Variants in KANTR observed in about 807,000 individuals in gnomAD.
KANTR encodes the protein KANTR integral membrane protein, also known as KDM5C adjacent transcript.
chrX:53,104,636 A>T (rs1301550824), intron 2 of KANTR, among the ~76,000 whole-genome samples: 1 of 111,634 alleles, frequency 9.0e-6, no homozygotes, highest in African/African-American at 3.3e-5. Context: ...TATTCTAGAT[A>T]TTCCATATAA....
chrX:53,097,810 G>A (rs1288427475), intron 1 of KANTR, among the ~76,000 whole-genome samples: 1 of 106,940 alleles, frequency 9.4e-6, no homozygotes, highest in Non-Finnish European at 1.9e-5. Flanking sequence ...CAGCACTTTG[G>A]GAGGCCAAGG....
At chrX:53,100,069 G>T (rs1368383088) in intron 2 of KANTR, among the ~76,000 whole-genome samples, 1 of 112,287 alleles carries the variant, frequency 8.9e-6, no homozygotes. Flanking sequence ...AGCTGCCTGA[G>T]CCTCTAACAA....
intron 2 of KANTR, among the ~76,000 whole-genome samples, chrX:53,141,633 A>C (rs1602129788): frequency 4.2e-5 from 4 of 95,330 alleles, no homozygotes; most frequent in Non-Finnish European, 4.2e-5. Context: ...TCTTGCTCTC[A>C]CTCTCCCTCT....
exon 3 of KANTR, chrX:53,126,347 C>T (rs1481107856): frequency 9.0e-6 from 1 of 111,023 alleles, no homozygotes; most frequent in Non-Finnish European, 1.9e-5. Context: ...TGGACCTCCT[C>T]ATTCTATCTT....
intron 2 of KANTR, among the ~76,000 whole-genome samples, chrX:53,104,036 C>T (rs1556812304): frequency 9.0e-6 from 1 of 110,904 alleles, no homozygotes; most frequent in African/African-American, 3.3e-5. Context: ...CCATCTAATT[C>T]ACCTTTTATT....
downstream of KANTR, among the ~76,000 whole-genome samples, chrX:53,130,164 A>G (rs1227820451): frequency 9.0e-6 from 1 of 111,549 alleles, no homozygotes; most frequent in Non-Finnish European, 1.9e-5. Context: ...ACCGCGCCTG[A>G]CCCTACATAA....
downstream of KANTR, among the ~76,000 whole-genome samples, chrX:53,146,278 C>A (rs1933574270): frequency 9.0e-6 from 1 of 111,513 alleles, no homozygotes; most frequent in Non-Finnish European, 1.9e-5. Flanking sequence ...CTAGAATAAC[C>A]AATGCAGAGA....
At chrX:53,127,956 T>G (rs1316228025), downstream of KANTR, among the ~76,000 whole-genome samples, 1 of 111,023 alleles carries the variant, frequency 9.0e-6, no homozygotes, top group African/African-American at 3.3e-5. Flanking sequence ...TAAGTGTTAT[T>G]ATAATGGGAG....
chrX:53,106,621 C>G (rs782537203), intron 2 of KANTR, among the ~76,000 whole-genome samples: 1 of 109,065 alleles, frequency 9.2e-6, no homozygotes. Flanking sequence ...ATGCTGGTCT[C>G]GAACTCCTGG....
downstream of KANTR, among the ~76,000 whole-genome samples, chrX:53,145,751 G>T (rs1381363748): frequency 8.9e-6 from 1 of 112,342 alleles, no homozygotes; most frequent in Admixed American, 9.4e-5. Flanking sequence ...GCACCCCCCA[G>T]TAGGGGCAGA....
intron 2 of KANTR, among the ~76,000 whole-genome samples, chrX:53,106,555 A>C (rs782034237): frequency 3.7e-5 from 4 of 109,298 alleles, no homozygotes; most frequent in Non-Finnish European, 7.6e-5. Flanking sequence ...AGTGTGAGCC[A>C]TCACACCCAG....
chrX:53,146,569 G>T (rs1402488182), downstream of KANTR, among the ~76,000 whole-genome samples: 5 of 111,931 alleles, frequency 4.5e-5, no homozygotes. Context: ...CACTCTGCAG[G>T]ATATTATCCA....
intron 2 of KANTR, among the ~76,000 whole-genome samples, chrX:53,106,434 G>GT (rs1374917852): frequency 9.1e-6 from 1 of 109,761 alleles, no homozygotes; most frequent in East Asian, 2.8e-4. Flanking sequence ...ACAGGGTCTC[G>GT]TTCTGTCACC....
downstream of KANTR, among the ~76,000 whole-genome samples, chrX:53,145,398 G>A (rs782043129): frequency 8.9e-6 from 1 of 111,930 alleles, no homozygotes; most frequent in Non-Finnish European, 1.9e-5. Flanking sequence ...ACAGATTCTC[G>A]CTCATTGCTA....
At chrX:53,107,028 A>G (rs1289214557) in intron 2 of KANTR, among the ~76,000 whole-genome samples, 1 of 110,550 alleles carries the variant, frequency 9.0e-6, no homozygotes, top group Non-Finnish European at 1.9e-5. Context: ...ATTGATTTGC[A>G]GGTCTGTCAC....
chrX:53,115,717 ATC>A (rs1432556441), intron 2 of KANTR, among the ~76,000 whole-genome samples: 1 of 112,712 alleles, frequency 8.9e-6, no homozygotes, highest in Non-Finnish European at 1.9e-5. Flanking sequence ...TGAAAAAAGT[ATC>A]TCTTTTCCCA....
At chrX:53,117,610 T>TGTGTG (rs782797715) in intron 2 of KANTR, among the ~76,000 whole-genome samples, 4 of 19,856 alleles carry the variant, frequency 2.0e-4, no homozygotes, top group African/African-American at 4.1e-4. Flanking sequence ...TGTGTGTGTG[T>TGTGTG]TTTTTTTTTT....
At chrX:53,109,535 C>T (rs1475309042) in intron 2 of KANTR, among the ~76,000 whole-genome samples, 2 of 112,329 alleles carry the variant, frequency 1.8e-5, no homozygotes, top group African/African-American at 3.2e-5. Flanking sequence ...CCACCCGCCT[C>T]GGCCTCCCAA....
intron 2 of KANTR, among the ~76,000 whole-genome samples, chrX:53,116,522 A>C (rs185939164): frequency 4.6e-4 from 52 of 112,003 alleles, no homozygotes; most frequent in African/African-American, 1.7e-3. Context: ...AAATTCTCTA[A>C]GTGGTCAGAT....
Sources: allele counts gnomAD v4.1 joint callset (sites outside exome capture counted in the v4.1 genomes callset), GRCh38; gene constraint gnomAD v4.1.1; transcripts MANE v1.5; gene names NCBI Gene and HGNC (gene_info 2026-07-23, HGNC 2026-07-21).